Variants in HS6ST3 observed in about 807,000 individuals in gnomAD.
HS6ST3 encodes the protein heparan-sulfate 6-O-sulfotransferase 3.
HS6ST3 carries 12 observed loss-of-function variants against 36.7 expected under a neutral mutation model. That is an observed-to-expected ratio of 0.33 (90% CI 0.21 to 0.53). The LOEUF (loss-of-function observed/expected upper bound fraction) is 0.53, where lower values mean the gene tolerates loss of function less well. HS6ST3 is among the 20% of genes least tolerant of loss of function. HS6ST3 has a pLI of 0.95. For synonymous variants in HS6ST3, 240 were observed against 257.5 expected (o/e 0.93, Z 0.65); for missense variants, 584 against 640.9 (o/e 0.91, Z 0.96).
intron 1 of HS6ST3, among the ~76,000 whole-genome samples, chr13:96,134,385 C>G (rs188102926): frequency 6.6e-6 from 1 of 151,732 alleles, no homozygotes; most frequent in African/African-American, 2.4e-5. Context: ...TTTTTGGTGT[C>G]ATGGTTTTAC....
chr13:96,304,559 C>T (rs538822624), intron 1 of HS6ST3, among the ~76,000 whole-genome samples: 1 of 151,906 alleles, frequency 6.6e-6, no homozygotes, highest in East Asian at 1.9e-4. Flanking sequence ...CATTTTGGAG[C>T]TGGGGATGTC....
chr13:96,156,917 A>G (rs1161456552), intron 1 of HS6ST3, among the ~76,000 whole-genome samples: 1 of 152,190 alleles, frequency 6.6e-6, no homozygotes, highest in Non-Finnish European at 1.5e-5. Context: ...GCCAGGAACC[A>G]TATGTCAGTG....
chr13:96,205,322 G>A (rs546000757), intron 1 of HS6ST3, among the ~76,000 whole-genome samples: 4 of 152,228 alleles, frequency 2.6e-5, no homozygotes, highest in East Asian at 3.9e-4. Context: ...TTCTGAAATT[G>A]AGACAGTAGC....
chr13:96,743,105 G>T (rs537313786), intron 1 of HS6ST3, among the ~76,000 whole-genome samples: 1 of 152,132 alleles, frequency 6.6e-6, no homozygotes, highest in South Asian at 2.1e-4. Flanking sequence ...TAAGGAATAT[G>T]AGCTCTCCAA....
At chr13:96,588,632 G>A (rs956108630) in intron 1 of HS6ST3, among the ~76,000 whole-genome samples, 1 of 152,050 alleles carries the variant, frequency 6.6e-6, no homozygotes, top group African/African-American at 2.4e-5. Context: ...GAATTCAGTT[G>A]GCTAGTATTT....
chr13:96,711,882 C>A (rs1335607367), intron 1 of HS6ST3, among the ~76,000 whole-genome samples: 6 of 152,156 alleles, frequency 3.9e-5, no homozygotes, highest in Admixed American at 3.9e-4. Flanking sequence ...TGTGACCAAC[C>A]TGAATTAATT....
chr13:96,112,749 A>C (rs2053876608), intron 1 of HS6ST3, among the ~76,000 whole-genome samples: 1 of 123,036 alleles, frequency 8.1e-6, no homozygotes, highest in Non-Finnish European at 1.7e-5. Context: ...CCTGGGGGAC[A>C]GAACAAGACT....
chr13:96,507,955 A>G (rs2056033267), intron 1 of HS6ST3, among the ~76,000 whole-genome samples: 1 of 152,142 alleles, frequency 6.6e-6, no homozygotes, highest in African/African-American at 2.4e-5. Context: ...TGGAACCTGA[A>G]AGTGTCTAAG....
chr13:96,433,961 T>C (rs1458004913), intron 1 of HS6ST3, among the ~76,000 whole-genome samples: 1 of 148,642 alleles, frequency 6.7e-6, no homozygotes, highest in African/African-American at 2.5e-5. Context: ...CAAAACTTCT[T>C]TTCTTTATAA....
intron 1 of HS6ST3, among the ~76,000 whole-genome samples, chr13:96,626,121 C>T (rs1010647631): frequency 1.3e-5 from 2 of 152,256 alleles, no homozygotes; most frequent in Admixed American, 6.5e-5. Flanking sequence ...GGATTACAGG[C>T]GTGAGCCACA....
intron 1 of HS6ST3, among the ~76,000 whole-genome samples, chr13:96,308,044 C>T (rs1200299424): frequency 6.6e-6 from 1 of 152,052 alleles, no homozygotes; most frequent in Non-Finnish European, 1.5e-5. Context: ...CATTTAACTA[C>T]CACTTTAATA....
At chr13:96,420,963 T>C (rs372540743) in intron 1 of HS6ST3, among the ~76,000 whole-genome samples, 6 of 152,308 alleles carry the variant, frequency 3.9e-5, no homozygotes, top group African/African-American at 1.2e-4. Flanking sequence ...TTTCATGCAG[T>C]TGAACCTTTG....
intron 1 of HS6ST3, among the ~76,000 whole-genome samples, chr13:96,161,822 A>G (rs1380616654): frequency 6.6e-6 from 1 of 152,242 alleles, no homozygotes; most frequent in Non-Finnish European, 1.5e-5. Context: ...GAATTCAGTA[A>G]GGAATTACAA....
chr13:96,483,925 C>T (rs970579135), intron 1 of HS6ST3, among the ~76,000 whole-genome samples: 3 of 152,136 alleles, frequency 2.0e-5, no homozygotes, highest in Non-Finnish European at 4.4e-5. Flanking sequence ...TTTTTGTGAA[C>T]AGGGTGAGGT....
chr13:96,148,039 A>G (rs2054066703), intron 1 of HS6ST3, among the ~76,000 whole-genome samples: 1 of 152,204 alleles, frequency 6.6e-6, no homozygotes, highest in Non-Finnish European at 1.5e-5. Context: ...AAAATTGGGT[A>G]AATAATTATC....
chr13:96,347,136 G>A (rs539498244), intron 1 of HS6ST3, among the ~76,000 whole-genome samples: 1 of 152,254 alleles, frequency 6.6e-6, no homozygotes, highest in South Asian at 2.1e-4. Context: ...GAAGCAAAGG[G>A]CCCAGATAAG....
At chr13:96,704,993 G>A (rs114845232) in intron 1 of HS6ST3, among the ~76,000 whole-genome samples, 84 of 152,260 alleles carry the variant, frequency 5.5e-4, no homozygotes, top group African/African-American at 2.0e-3. Flanking sequence ...TAGGTTCACA[G>A]CAAAACTGAA....
At chr13:96,423,736 T>C (rs1486197209) in intron 1 of HS6ST3, among the ~76,000 whole-genome samples, 1 of 152,032 alleles carries the variant, frequency 6.6e-6, no homozygotes, top group East Asian at 1.9e-4. Context: ...TTCTGTCTTA[T>C]TCTCCCTGTG....
At chr13:96,644,883 G>T (rs1203975466) in intron 1 of HS6ST3, among the ~76,000 whole-genome samples, 2 of 151,928 alleles carry the variant, frequency 1.3e-5, no homozygotes, top group African/African-American at 4.8e-5. Context: ...GGAATAGCAT[G>T]CTTCCATAAA....
Sources: gnomAD v4.1 joint callset for allele counts (sites outside exome capture counted in the v4.1 genomes callset) on GRCh38, gnomAD v4.1.1 for gene constraint, MANE v1.5 for transcripts, NCBI Gene and HGNC (gene_info 2026-07-23, HGNC 2026-07-21) for gene names.